Variants in MROH2A observed in about 807,000 individuals in gnomAD.
MROH2A encodes maestro heat like repeat family member 2A.
In MROH2A, 174 loss-of-function variants were observed where a neutral mutation model predicts 200.4. The observed-to-expected ratio is 0.87, with a 90% confidence interval of 0.77 to 0.98. The LOEUF (loss-of-function observed/expected upper bound fraction) is 0.98. Among genes scored for constraint, MROH2A ranks in the 50% least tolerant of loss-of-function variants. The pLI is 0.00. For missense variants in MROH2A, 2,045 were observed against 2,139.6 expected (o/e 0.96, Z 0.87); for synonymous variants, 829 against 840.4 (o/e 0.99, Z 0.23).
At position 233,820,961 on chromosome 2, in the gene MROH2A, G is replaced by T. The variant is rs562830657; in HGVS notation, c.3512+905G>T. The stretch of plus-strand genomic sequence containing the variant: ...TCAGTGGCTCATGAGGCAGTGCTGG[G>T]TGGGGGTAAGGGGGATGTGCGGTGC... On this transcript the variant is annotated intron_variant, in intron 31 of 41. Coordinates refer to ENST00000389758, the MANE Select transcript of MROH2A (RefSeq NM_001394639.1). This position sits in a 1 kb window ranked among gnomAD's most constrained non-coding sequence, Gnocchi z 4.1. Among the ~76,000 whole-genome samples the T allele has an allele frequency of 6.6e-6, 1 of 152,286 alleles. No individual in the cohort carries two copies. The highest frequency in any genetic ancestry group is 1.5e-5 in the Non-Finnish European group (1 of 68,010).
intron 8 of MROH2A, 89 bp from the exon 9 acceptor site, chr2:233,795,556 TGCTCAGTG>T: frequency 6.5e-7 from 1 of 1,531,338 alleles, no homozygotes; most frequent in Non-Finnish European, 8.8e-7. Context: ...GGAATGCTGG[TGCTCAGTG>T]GGTCAGTGGG....
intron 11 of MROH2A, among the ~76,000 whole-genome samples, chr2:233,798,119 C>T (rs1236556229): frequency 6.6e-6 from 1 of 152,174 alleles, no homozygotes; most frequent in East Asian, 1.9e-4. Context: ...TCTAACTCTA[C>T]CTCCATCCAC....
chr2:233,807,892 C>A lies in MROH2A; in HGVS notation c.2295+37C>A, dbSNP rs1702911656. The A allele has an allele frequency of 5.2e-6, 8 of 1,550,744 alleles. No homozygotes were observed. The highest frequency in any genetic ancestry group is 7.0e-6 in the Non-Finnish European group (8 of 1,146,920). On this transcript the variant is annotated intron_variant, in intron 21 of 41. Transcript: ENST00000389758. This position sits in a 1 kb window ranked among gnomAD's most constrained non-coding sequence, Gnocchi z 4.3. ...TCCCTCCACAACTGGGTCTTGGGATCTCTTAGCACAGTGCTCTGGGCACTG... is the reference window on the plus strand; with the variant it reads ...TCCCTCCACAACTGGGTCTTGGGATATCTTAGCACAGTGCTCTGGGCACTG...
rs568621019 is a variant in MROH2A at position 233,789,712 on chromosome 2, C to T, written c.408+84C>T. ...GGGGCCTGGCCCAGGATGCCCACAG[C>T]CCTGTGCAGTTACCTCTCAGAGCAG... On this transcript the variant is annotated intron_variant, in intron 4 of 41. Transcript: ENST00000389758. The T allele has an allele frequency of 6.1e-5, 88 of 1,451,706 alleles. No homozygotes were observed. The African/African-American group carries it at 1.2e-3, about 19-fold the overall frequency. 89.9% of individuals were successfully genotyped at this position (1,451,706 alleles called of 1,614,324 possible).
upstream of MROH2A, among the ~76,000 whole-genome samples, chr2:233,777,848 C>T (rs1700755325): frequency 6.6e-6 from 1 of 152,224 alleles, no homozygotes; most frequent in Admixed American, 6.5e-5. Context: ...CCTTTGGGCT[C>T]CACTTTTGGT....
At chr2:233,827,954 A>T (rs1704428460) in intron 35 of MROH2A, among the ~76,000 whole-genome samples, 1 of 152,096 alleles carries the variant, frequency 6.6e-6, no homozygotes, top group African/African-American at 2.4e-5. Flanking sequence ...TGTTTAAATG[A>T]ATGGAAGTGC....
At position 233,778,406 on chromosome 2, in the gene MROH2A, A is replaced by G. The variant is rs1307014945; in HGVS notation, c.-90A>G. On this transcript the variant is annotated 5_prime_UTR_variant, in exon 1 of 42. The change abolishes an upstream ATG in the 5' untranslated region. Coordinates refer to ENST00000389758, the MANE Select transcript of MROH2A (RefSeq NM_001394639.1). Reference sequence around the variant, plus strand: ...AATTCTTCCATTTGCATTTCCATTGATGTGTATTGGGCCAAGAGCAGAGCT... The same window carrying G: ...AATTCTTCCATTTGCATTTCCATTGGTGTGTATTGGGCCAAGAGCAGAGCT... 5.9e-6 allele frequency: 1 copy of G among 169,220 alleles called. No homozygotes were observed. The highest frequency in any genetic ancestry group is 1.5e-5 in the Non-Finnish European group (1 of 68,322). The allele number at this position is 169,220 out of a possible 1,614,324, so 10.5% of individuals were successfully genotyped here.
At chr2:233,810,976 G>C in intron 23 of MROH2A, 60 bp downstream of exon 23, 1 of 1,531,668 alleles carries the variant, frequency 6.5e-7, no homozygotes, top group Non-Finnish European at 8.8e-7. Context: ...AACTCCCTGC[G>C]GTGAGAGGTT....
intron 24 of MROH2A, 129 bp downstream of exon 24, chr2:233,812,088 A>C (rs988344): frequency 0.88 from 585,644 of 668,868 alleles, 256,736 homozygotes; most frequent in African/African-American, 0.92. Context: ...TCTCACTTGG[A>C]GGCTCCCCAG....
intron 35 of MROH2A, among the ~76,000 whole-genome samples, chr2:233,825,165 T>C (rs1038039142): frequency 6.6e-6 from 1 of 152,240 alleles, no homozygotes; most frequent in African/African-American, 2.4e-5. Flanking sequence ...TTCTGCAGAT[T>C]GATTTTGTAT....
In MROH2A at chr2:233,822,264, C is replaced by T; in HGVS notation, c.3653C>T (p.Ala1218Val). 4 of 1,547,564 alleles carry T rather than the reference C, an allele frequency of 2.6e-6. No individual in the cohort carries two copies. Among genetic ancestry groups the T allele is most frequent in the South Asian group, 1.2e-5 (1 of 84,046 alleles). Reference sequence around the variant, plus strand: ...TCCAAGGCTGACATCTGGCGCCTGGCTGCGGTGGACCCCCTGATGGTGAGT... The same window carrying T: ...TCCAAGGCTGACATCTGGCGCCTGGTTGCGGTGGACCCCCTGATGGTGAGT... The part of the protein sequence containing the change: ...ATSKADIWRL[A>V]AVDPLMTLCT... The change falls in exon 32 of 42, where the codon GCT (alanine) becomes GTT (valine). Residue 1218 changes from alanine to valine, a missense_variant. By Grantham distance (64) the Ala-to-Val change is moderately conservative. Coordinates refer to ENST00000389758, the MANE Select transcript of MROH2A (RefSeq NM_001394639.1).
chr2:233,804,059 G>A lies in MROH2A; in HGVS notation c.1758G>A (p.Met586Ile), dbSNP rs927913545. Residue 586 changes from methionine to isoleucine, a missense_variant, in exon 17 of 42, where the codon ATG (methionine) becomes ATA (isoleucine). Physicochemically the swap from Met to Ile is conservative, Grantham distance 10. Transcript: ENST00000389758. ...QKLLARLLVLMSSPYKGEGRG... is the reference protein window; with the variant it reads ...QKLLARLLVLISSPYKGEGRG... ...GCCTTGGTGCCCTCCAGGTGCTGAT[G>A]TCATCACCTTACAAGGGGGAGGGTC... 1.9e-6 allele frequency: 3 copies of A among 1,550,456 alleles called. No homozygotes were observed. The highest frequency in any genetic ancestry group is 2.0e-5 in the Admixed American group (1 of 50,986).
intron 25 of MROH2A, 92 bp from the exon 26 acceptor site, chr2:233,814,490 G>A: frequency 1.2e-6 from 1 of 840,516 alleles, no homozygotes; most frequent in South Asian, 1.6e-5. Context: ...GTGGATGACT[G>A]CCAGACCCCT....
chr2:233,801,621 G>A lies in MROH2A; in HGVS notation c.1561-547G>A, dbSNP rs138066333. On this transcript the variant is annotated intron_variant, in intron 14 of 41. Coordinates refer to ENST00000389758, the MANE Select transcript of MROH2A (RefSeq NM_001394639.1). ...TCTTCTTCCTCAGAGAAATCCCAGC[G>A]TTTCACTCTTAAGGCGTTTCACCCA... Among the ~76,000 whole-genome samples the A allele has an allele frequency of 4.2e-4, 64 of 152,214 alleles. No homozygotes were observed. In the South Asian group the frequency reaches 6.2e-3, roughly 15 times the overall value.
At chr2:233,792,340 T>A (rs1247003321) in intron 5 of MROH2A, among the ~76,000 whole-genome samples, 2 of 144,352 alleles carry the variant, frequency 1.4e-5, no homozygotes, top group Non-Finnish European at 3.0e-5. Flanking sequence ...TGAGATGGAG[T>A]CATGCTCTGT....
chr2:233,818,303 G>A (rs1210377255), intron 28 of MROH2A, among the ~76,000 whole-genome samples, 178 bp downstream of exon 28: 1 of 152,174 alleles, frequency 6.6e-6, no homozygotes, highest in East Asian at 1.9e-4. Flanking sequence ...AACAGGCCAT[G>A]GAAGCTTCCA....
intron 27 of MROH2A, among the ~76,000 whole-genome samples, 167 bp from the exon 28 acceptor site, chr2:233,817,835 G>A (rs1703642673): frequency 6.6e-6 from 1 of 152,228 alleles, no homozygotes; most frequent in South Asian, 2.1e-4. Context: ...GTGGGCAGGG[G>A]AGGCTGATGC....
Position 233,829,084 on chromosome 2 carries a change from G to A in MROH2A, c.4446+12G>A. On this transcript the variant is annotated intron_variant, in intron 37 of 41. Transcript: ENST00000389758. Reference sequence around the variant, plus strand: ...TCTTCTTCGACAACGTGAGTCCGATGAGAGCCTCCCTGAGCTTGCTCAGTG... The same window carrying A: ...TCTTCTTCGACAACGTGAGTCCGATAAGAGCCTCCCTGAGCTTGCTCAGTG... The A allele has an allele frequency of 6.7e-7, 1 of 1,499,874 alleles. No individual in the cohort carries two copies. Among genetic ancestry groups the A allele is most frequent in the Non-Finnish European group, 8.9e-7 (1 of 1,119,732 alleles). 92.9% of individuals were successfully genotyped at this position (1,499,874 alleles called of 1,614,324 possible).
chr2:233,792,778 T>A lies in MROH2A; in HGVS notation c.572-18T>A, dbSNP rs759121998. The A allele has an allele frequency of 7.4e-6, 11 of 1,478,246 alleles. No individual in the cohort carries two copies. The highest frequency in any genetic ancestry group is 1.0e-5 in the Non-Finnish European group (11 of 1,081,720). The allele number at this position is 1,478,246 out of a possible 1,614,324, so 91.6% of individuals were successfully genotyped here. ...CCCCAGCCCCAACTTCCTGTAATCA[T>A]CCCTCACAACCTCACAGTGTTTGAG... On this transcript the variant is annotated intron_variant, in intron 5 of 41. Transcript: ENST00000389758.
Sources: allele counts gnomAD v4.1 joint callset (sites outside exome capture counted in the v4.1 genomes callset), GRCh38; gene constraint gnomAD v4.1.1; non-coding constraint Gnocchi (gnomAD v3.1); transcripts MANE v1.5; gene names NCBI Gene and HGNC (gene_info 2026-07-23, HGNC 2026-07-21).